The following PAPPA variants were observed in gnomAD, a reference collection of about 807,000 sequenced individuals.
PAPPA encodes the protein pappalysin-1.
A neutral mutation model predicts 164.0 loss-of-function variants in PAPPA; 60 were observed. That is an observed-to-expected ratio of 0.37 (90% CI 0.30 to 0.45). PAPPA has a LOEUF of 0.45. PAPPA is among the 20% of genes least tolerant of loss of function. The pLI, the probability that PAPPA is intolerant of heterozygous loss-of-function variation, is 1.00. For missense variants in PAPPA, 1,782 were observed against 2,087.3 expected, an observed-to-expected ratio of 0.85 and a Z score of 2.85; for synonymous variants, 875 against 814.1, an observed-to-expected ratio of 1.07 and a Z score of -1.27.
intron 1 of PAPPA, among the ~76,000 whole-genome samples, chr9:116,158,768 G>A (rs978483171): frequency 3.0e-4 from 45 of 152,328 alleles, no homozygotes; most frequent in African/African-American, 1.0e-3. Context: ...CCTTGTGCCA[G>A]CATGTTTTGC....
intron 2 of PAPPA, among the ~76,000 whole-genome samples, chr9:116,203,331 CTA>C (rs1844193254): frequency 6.6e-6 from 1 of 152,156 alleles, no homozygotes. Flanking sequence ...TGTTTTGAAA[CTA>C]TGTAATTTGA....
At chr9:116,394,692 T>G (rs1280188492) in intron 21 of PAPPA, among the ~76,000 whole-genome samples, 1 of 152,156 alleles carries the variant, frequency 6.6e-6, no homozygotes, top group African/African-American at 2.4e-5. Flanking sequence ...TCACAGAGGA[T>G]GGAAAGTAAA....
intron 10 of PAPPA, among the ~76,000 whole-genome samples, chr9:116,329,052 G>A (rs767747039): frequency 1.3e-5 from 2 of 152,174 alleles, no homozygotes; most frequent in Admixed American, 6.5e-5. Flanking sequence ...AAAGAGAATT[G>A]AGACCTGGCA....
chr9:116,241,849 T>G (rs947102693), intron 7 of PAPPA, among the ~76,000 whole-genome samples: 1 of 152,212 alleles, frequency 6.6e-6, no homozygotes, highest in Non-Finnish European at 1.5e-5. Flanking sequence ...GCTCTTGAGC[T>G]GAGTCACCAC....
At chr9:116,255,239 T>C (rs1216378024) in intron 7 of PAPPA, among the ~76,000 whole-genome samples, 1 of 151,966 alleles carries the variant, frequency 6.6e-6, no homozygotes, top group Non-Finnish European at 1.5e-5. Context: ...CTTGGAAAGA[T>C]AAAGGGTTCT....
At chr9:116,270,193 G>A (rs1051017403) in intron 8 of PAPPA, among the ~76,000 whole-genome samples, 7 of 152,166 alleles carry the variant, frequency 4.6e-5, no homozygotes, top group Admixed American at 4.6e-4. Flanking sequence ...CATCTTCTAT[G>A]TGTCACCCAC....
chr9:116,257,430 G>T (rs1374644824), intron 7 of PAPPA, among the ~76,000 whole-genome samples: 1 of 152,018 alleles, frequency 6.6e-6, no homozygotes, highest in Non-Finnish European at 1.5e-5. Context: ...GCTGGGCACG[G>T]TGGCTCAAGC....
intron 2 of PAPPA, among the ~76,000 whole-genome samples, chr9:116,206,466 C>T (rs570152110): frequency 6.6e-6 from 1 of 152,016 alleles, no homozygotes; most frequent in Non-Finnish European, 1.5e-5. Flanking sequence ...AACTGAGGCC[C>T]CATTAGTCAG....
intron 6 of PAPPA, among the ~76,000 whole-genome samples, chr9:116,232,769 G>A (rs547767129): frequency 6.6e-6 from 1 of 152,326 alleles, no homozygotes; most frequent in South Asian, 2.1e-4. Flanking sequence ...CTAAGGGTTT[G>A]TCTCTAATAA....
chr9:116,328,006 G>A (rs763105451), intron 10 of PAPPA, among the ~76,000 whole-genome samples: 28 of 152,214 alleles, frequency 1.8e-4, no homozygotes, highest in Non-Finnish European at 2.6e-4. Flanking sequence ...AATAACACCA[G>A]TATATTCCTT....
intron 7 of PAPPA, among the ~76,000 whole-genome samples, chr9:116,239,340 C>T (rs1169917284): frequency 6.6e-6 from 1 of 152,152 alleles, no homozygotes; most frequent in African/African-American, 2.4e-5. Flanking sequence ...GCTACAAACT[C>T]ACCATATGAC....
intron 18 of PAPPA, 42 bp downstream of exon 18, chr9:116,362,781 C>T (rs1223460591): frequency 1.9e-6 from 3 of 1,592,174 alleles, no homozygotes; most frequent in Non-Finnish European, 2.6e-6. Context: ...GGGGCAATTC[C>T]TTCCAGCAAT....
chr9:116,256,623 AAAG>A (rs1471395386), intron 7 of PAPPA, among the ~76,000 whole-genome samples: 2 of 152,138 alleles, frequency 1.3e-5, no homozygotes, highest in African/African-American at 4.8e-5. Flanking sequence ...TGATTTAAAA[AAAG>A]AAGTCACCAC....
At chr9:116,170,908 T>G (rs1843769188) in intron 1 of PAPPA, among the ~76,000 whole-genome samples, 1 of 152,124 alleles carries the variant, frequency 6.6e-6, no homozygotes, top group Non-Finnish European at 1.5e-5. Flanking sequence ...CTGAGACATC[T>G]TCACTGAACC....
chr9:116,258,711 G>A (rs150117583), intron 7 of PAPPA, among the ~76,000 whole-genome samples: 1 of 152,222 alleles, frequency 6.6e-6, no homozygotes, highest in African/African-American at 2.4e-5. Context: ...ATGATATATG[G>A]CAAAGGCAGT....
intron 1 of PAPPA, among the ~76,000 whole-genome samples, chr9:116,163,147 A>G (rs1480358257): frequency 3.9e-5 from 6 of 152,224 alleles, no homozygotes; most frequent in African/African-American, 2.4e-5. Flanking sequence ...CTCCGCCCTC[A>G]GGGAGTTTAT....
At chr9:116,176,430 A>G (rs1486203736) in intron 1 of PAPPA, among the ~76,000 whole-genome samples, 2 of 152,232 alleles carry the variant, frequency 1.3e-5, no homozygotes, top group East Asian at 3.8e-4. Flanking sequence ...GAGTGTTCCA[A>G]TAATGTAATT....
At chr9:116,238,357 T>A (rs1002020502) in intron 7 of PAPPA, among the ~76,000 whole-genome samples, 1 of 152,186 alleles carries the variant, frequency 6.6e-6, no homozygotes, top group Non-Finnish European at 1.5e-5. Context: ...GTAATTTGGA[T>A]GCTAGTTAAA....
intron 13 of PAPPA, among the ~76,000 whole-genome samples, chr9:116,337,962 G>A (rs923162143): frequency 8.5e-5 from 13 of 152,122 alleles, no homozygotes; most frequent in African/African-American, 2.4e-4. Flanking sequence ...CCCACACCAA[G>A]TTGTGGAAAG....
Sources: gnomAD v4.1 joint callset for allele counts (sites outside exome capture counted in the v4.1 genomes callset) on GRCh38, gnomAD v4.1.1 for gene constraint, MANE v1.5 for transcripts, NCBI Gene and HGNC (gene_info 2026-07-23, HGNC 2026-07-21) for gene names.